Variants in CSMD3 observed in about 807,000 individuals in gnomAD.
CSMD3 encodes CUB and sushi domain-containing protein 3.
In CSMD3, 177 loss-of-function variants were observed where a neutral mutation model predicts 435.2. The ratio of observed to expected loss-of-function variants is 0.41; its 90% CI spans 0.36 to 0.46. The LOEUF is 0.46. Ranked by LOEUF, CSMD3 falls within the 20% of genes least tolerant of loss-of-function variation. The pLI is 0.34. For synonymous variants in CSMD3, 1,656 were observed against 1,520.5 expected, an observed-to-expected ratio of 1.09 and a Z score of -2.07; for missense variants, 4,265 against 4,504.6, an observed-to-expected ratio of 0.95 and a Z score of 1.52.
intron 65 of CSMD3, among the ~76,000 whole-genome samples, chr8:112,242,989 A>G (rs1052310180): frequency 7.2e-5 from 11 of 152,250 alleles, no homozygotes; most frequent in Admixed American, 2.6e-4. Flanking sequence ...GAAATGGAGA[A>G]TGGATACTTA....
intron 13 of CSMD3, among the ~76,000 whole-genome samples, chr8:112,747,856 G>A (rs960137579): frequency 7.2e-5 from 11 of 151,810 alleles, no homozygotes; most frequent in African/African-American, 2.4e-4. Context: ...CCAGCTACTC[G>A]GGAGGCTGAG....
At chr8:112,706,966 T>C (rs2076511563) in intron 13 of CSMD3, among the ~76,000 whole-genome samples, 1 of 152,092 alleles carries the variant, frequency 6.6e-6, no homozygotes, top group Non-Finnish European at 1.5e-5. Context: ...TTTTAAACAT[T>C]TTCTCTGAAG....
chr8:112,517,096 C>G lies in CSMD3; in HGVS notation c.4694G>C (p.Arg1565Thr), dbSNP rs1176198713. Residue 1565 changes from arginine (R) to threonine (T), a missense_variant, in exon 28 of 71, where the codon AGA (arginine) becomes ACA (threonine). Coordinates refer to ENST00000297405, the MANE Select transcript of CSMD3 (RefSeq NM_198123.2). The stretch of plus-strand genomic sequence containing the variant: ...ATTTTCTACCTGAATGCAGGTTATT[C>G]TTTCCTCTCCTTGAAGTTCATATCC... ...DPGYELQGEERITCIQVENRY... is the reference protein window; with the variant it reads ...DPGYELQGEETITCIQVENRY... 1.9e-6 allele frequency: 3 copies of G among 1,613,858 alleles called. No homozygotes were observed. Among genetic ancestry groups the G allele is most frequent in the Non-Finnish European group, 2.5e-6 (3 of 1,179,894 alleles).
intron 38 of CSMD3, among the ~76,000 whole-genome samples, chr8:112,362,668 G>C (rs566241108): frequency 9.1e-4 from 131 of 143,542 alleles, no homozygotes; most frequent in African/African-American, 3.2e-3. Context: ...GACGGAACAG[G>C]AGAGGAGTTT....
intron 47 of CSMD3, 131 bp downstream of exon 47, chr8:112,318,699 ATATGAGT>A: frequency 1.5e-6 from 1 of 647,904 alleles, no homozygotes; most frequent in Non-Finnish European, 2.7e-6. Flanking sequence ...GAAATAGCAC[ATATGAGT>A]TATAAAATGT....
chr8:112,537,736 A>AG (rs1188645940), intron 27 of CSMD3, among the ~76,000 whole-genome samples: 2 of 151,934 alleles, frequency 1.3e-5, no homozygotes, highest in Non-Finnish European at 2.9e-5. Context: ...AGTAAAAAAA[A>AG]AAAGTCCCCC....
At chr8:112,488,668 G>A (rs1273934730) in intron 31 of CSMD3, among the ~76,000 whole-genome samples, 1 of 152,054 alleles carries the variant, frequency 6.6e-6, no homozygotes, top group Non-Finnish European at 1.5e-5. Context: ...CTCAAACATT[G>A]ATAAAATTAG....
At chr8:113,364,055 G>T (rs1551959) in intron 1 of CSMD3, among the ~76,000 whole-genome samples, 43,199 of 151,812 alleles carry the variant, frequency 0.28, 7,175 homozygotes, top group East Asian at 0.69. Flanking sequence ...AATATGTAAG[G>T]TCTATGTCTA....
chr8:113,306,678 A>G (rs2093824048), intron 2 of CSMD3, among the ~76,000 whole-genome samples: 1 of 152,194 alleles, frequency 6.6e-6, no homozygotes, highest in South Asian at 2.1e-4. Flanking sequence ...AAGAAATACT[A>G]ACCATGTAAG....
chr8:113,373,784 T>G (rs558147385), intron 1 of CSMD3, among the ~76,000 whole-genome samples: 1 of 152,244 alleles, frequency 6.6e-6, no homozygotes, highest in South Asian at 2.1e-4. Flanking sequence ...GCTGAAACTA[T>G]GCCTAGGTCA....
intron 1 of CSMD3, among the ~76,000 whole-genome samples, chr8:113,424,736 A>C (rs985478099): frequency 9.9e-5 from 15 of 151,624 alleles, no homozygotes; most frequent in African/African-American, 3.6e-4. Context: ...GTCAATAAAC[A>C]TTTTAATTGG....
intron 9 of CSMD3, among the ~76,000 whole-genome samples, chr8:112,932,632 A>C (rs990612467): frequency 6.6e-6 from 1 of 152,074 alleles, no homozygotes; most frequent in Non-Finnish European, 1.5e-5. Context: ...AGCGAGAAAA[A>C]AAAAAGAAAA....
At chr8:112,453,178 G>A (rs1816475226) in intron 32 of CSMD3, among the ~76,000 whole-genome samples, 1 of 152,062 alleles carries the variant, frequency 6.6e-6, no homozygotes, top group Non-Finnish European at 1.5e-5. Flanking sequence ...CTCCAGATTA[G>A]TCAAGAGAAA....
intron 6 of CSMD3, among the ~76,000 whole-genome samples, chr8:113,014,368 A>G (rs2086372019): frequency 6.6e-6 from 1 of 152,060 alleles, no homozygotes; most frequent in Non-Finnish European, 1.5e-5. Flanking sequence ...ACAGGTAAAC[A>G]GTTCCATTTT....
At chr8:112,255,839 T>C (rs1043762402) in intron 61 of CSMD3, 8 of 197,164 alleles carry the variant, frequency 4.1e-5, no homozygotes, top group Admixed American at 3.3e-4. Context: ...ACGCTACAGA[T>C]TGCAGTGCCC....
At chr8:112,895,778 G>T (rs1339644375) in intron 10 of CSMD3, among the ~76,000 whole-genome samples, 1 of 151,394 alleles carries the variant, frequency 6.6e-6, no homozygotes, top group Non-Finnish European at 1.5e-5. Flanking sequence ...AGCAGCTGGA[G>T]ATACTAATAC....
At chr8:112,610,870 A>G (rs1223624339) in intron 22 of CSMD3, among the ~76,000 whole-genome samples, 1 of 152,174 alleles carries the variant, frequency 6.6e-6, no homozygotes. Context: ...CTCTTTGGCC[A>G]ATGTATTAAA....
At chr8:112,320,804 C>A (rs931262335) in intron 45 of CSMD3, among the ~76,000 whole-genome samples, 2 of 152,072 alleles carry the variant, frequency 1.3e-5, no homozygotes, top group African/African-American at 4.8e-5. Context: ...GAAGCTATAA[C>A]GTGACAGAGC....
rs565046381 is a variant in CSMD3 at position 112,656,023 on chromosome 8, A to G, written c.3004+131T>C. The G allele has an allele frequency of 3.7e-5, 23 of 614,804 alleles. No individual in the cohort carries two copies. In the African/African-American group the frequency reaches 4.1e-4, roughly 11 times the overall value. 38.1% of individuals were successfully genotyped at this position (614,804 alleles called of 1,614,324 possible). A position where few individuals can be genotyped will look rare whatever the true frequency, so the allele number is the denominator to read the frequency against. On this transcript the variant is annotated intron_variant, in intron 18 of 70. Coordinates refer to ENST00000297405, the MANE Select transcript of CSMD3 (RefSeq NM_198123.2). ...TAAAACACACACCTTATAAAGCATT[A>G]ACATTCTTATAGATGAAGGAAAGCT...
Sources: allele counts gnomAD v4.1 joint callset (sites outside exome capture counted in the v4.1 genomes callset), GRCh38; gene constraint gnomAD v4.1.1; transcripts MANE v1.5; gene names NCBI Gene and HGNC (gene_info 2026-07-23, HGNC 2026-07-21).